DNM2: variants seen among roughly 807,000 people sequenced by gnomAD.
DNM2 encodes the protein dynamin-2.
In DNM2, 15 loss-of-function variants were observed where a neutral mutation model predicts 99.0. That is an observed-to-expected ratio of 0.15 (90% CI 0.10 to 0.23). The LOEUF (loss-of-function observed/expected upper bound fraction) is 0.23. Among genes scored for constraint, DNM2 ranks in the 10% least tolerant of loss-of-function variants. The pLI, the probability that DNM2 is intolerant of heterozygous loss-of-function variation, is 1.00. For synonymous variants in DNM2, 525 were observed against 481.2 expected, an observed-to-expected ratio of 1.09 and a Z score of -1.19; for missense variants, 742 against 1,189.4, an observed-to-expected ratio of 0.62 and a Z score of 5.53.
In DNM2 at chr19:10,812,047, G is replaced by A. The variant is rs939384095; in HGVS notation, c.1558-217G>A. ...ACCCCATCAGCCCCTGGCCCAGTGA[G>A]TCTGTCTGTCCGCCCACCTGCCCAG... is the stretch of plus-strand genomic sequence containing the variant. On this transcript the variant is annotated intron_variant, in intron 14 of 20. Coordinates refer to ENST00000389253, the MANE Select transcript of DNM2 (RefSeq NM_001005361.3). This position sits in a 1 kb window ranked among gnomAD's most constrained non-coding sequence, Gnocchi z 4.0. The A allele has an allele frequency of 2.4e-5, 13 of 535,080 alleles. No homozygotes were observed. The African/African-American group carries it at 2.5e-4, about 10-fold the overall frequency. 33.1% of individuals were successfully genotyped at this position (535,080 alleles called of 1,614,324 possible).
chr19:10,721,510 C>T (rs1385261969), intron 1 of DNM2, among the ~76,000 whole-genome samples: 1 of 152,148 alleles, frequency 6.6e-6, no homozygotes, highest in Admixed American at 6.6e-5. Flanking sequence ...AAAGGCCTCT[C>T]TTTGGGTATG....
At chr19:10,821,239 C>T (rs1017980359) in intron 16 of DNM2, among the ~76,000 whole-genome samples, 1 of 152,176 alleles carries the variant, frequency 6.6e-6, no homozygotes, top group Admixed American at 6.5e-5. Flanking sequence ...TTGCCCCTGG[C>T]CATATGACAC....
chr19:10,760,827 A>ATTTGTTTTTTTTTTTT (rs2070600357), intron 2 of DNM2, among the ~76,000 whole-genome samples: 2 of 41,260 alleles, frequency 4.8e-5, no homozygotes, highest in African/African-American at 9.4e-5. Context: ...CACCCAGCTG[A>ATTTGTTTTTTTTTTTT]TTTTTTTTTT....
chr19:10,757,959 A>AG (rs1021189874), intron 1 of DNM2, among the ~76,000 whole-genome samples: 3 of 151,702 alleles, frequency 2.0e-5, no homozygotes, highest in African/African-American at 7.3e-5. Context: ...AAAAAAAAAA[A>AG]AAAAAAGAAA....
intron 1 of DNM2, among the ~76,000 whole-genome samples, chr19:10,757,372 C>A (rs558653217): frequency 3.3e-5 from 5 of 152,304 alleles, no homozygotes; most frequent in East Asian, 3.9e-4. Flanking sequence ...ACATCTCCCC[C>A]CCGACGCCAG....
intron 17 of DNM2, chr19:10,824,822 A>T (rs1285106533): frequency 1.7e-6 from 1 of 594,276 alleles, no homozygotes; most frequent in Non-Finnish European, 2.9e-6. Flanking sequence ...AAAACAAAAC[A>T]AAAAAACAAC....
At position 10,772,460 on chromosome 19, in the gene DNM2, ATC is replaced by A; in HGVS notation, c.236-13_236-12del. On this transcript the variant is annotated splice_polypyrimidine_tract_variant and intron_variant, in intron 2 of 20. Transcript: ENST00000389253. The surrounding 1 kb of genome is among the most constrained non-coding windows in gnomAD (Gnocchi z 4.9). ...CCCACAGCTCTTTCTCATTTTCAGC[ATC>A]TCTCTTCCCTTTCTAGAACATGCCG... The A allele has an allele frequency of 2.5e-6, 4 of 1,613,758 alleles. No individual in the cohort carries two copies. The highest frequency in any genetic ancestry group is 3.4e-6 in the Non-Finnish European group (4 of 1,179,980).
rs1192342315 is a variant in DNM2, at chr19:10,801,924, AC to A, written c.1423-363del. Among the ~76,000 whole-genome samples the A allele has an allele frequency of 3.1e-4, 46 of 150,510 alleles. 1 individual carries two copies. The highest frequency in any genetic ancestry group is 1.0e-3 in the African/African-American group (42 of 41,224). ...CGTCTCGAAGAAAAAAAAAAAAAAA[AC>A]AAAAAAAACAACTGCACATTATTAA... On this transcript the variant is annotated intron_variant, in intron 11 of 20. Transcript: ENST00000389253.
Position 10,830,334 on chromosome 19 carries a change from T to C in DNM2, c.2499T>C (p.Ser833=). The C allele has an allele frequency of 6.2e-7, 1 of 1,613,120 alleles. No individual in the cohort carries two copies. The highest frequency in any genetic ancestry group is 8.5e-7 in the Non-Finnish European group (1 of 1,179,824). ...DLFPAPPQIP[S]RPVRIPPGIP... ...TCCCAGCCCCGCCTCAGATCCCATCTCGGCCAGTTCGGATCCCCCCAGGGA... is the reference window on the plus strand; with the variant it reads ...TCCCAGCCCCGCCTCAGATCCCATCCCGGCCAGTTCGGATCCCCCCAGGGA... Residue 833 remains serine (S), a synonymous_variant, in exon 20 of 21, where the codon TCT becomes TCC. Coordinates refer to ENST00000389253, the MANE Select transcript of DNM2 (RefSeq NM_001005361.3). This position sits in a 1 kb window ranked among gnomAD's most constrained non-coding sequence, Gnocchi z 4.8.
chr19:10,817,360 GA>G lies in DNM2; in HGVS notation c.1672-2616del. 1 of 469,740 alleles carries G rather than the reference GA, an allele frequency of 2.1e-6. No individual in the cohort carries two copies. The highest frequency in any genetic ancestry group is 4.4e-6 in the Non-Finnish European group (1 of 228,328). The allele number at this position is 469,740 out of a possible 1,614,324, so 29.1% of individuals were successfully genotyped here. A position where few individuals can be genotyped will look rare whatever the true frequency, so the allele number is the denominator to read the frequency against. ...TGCCACAGTGGGAAACGGGGTGGTG[GA>G]AAATGACACTCACCTGCCGGCGAGT... On this transcript the variant is annotated intron_variant, in intron 15 of 20. Transcript: ENST00000389253. This position sits in a 1 kb window ranked among gnomAD's most constrained non-coding sequence, Gnocchi z 4.6.
At chr19:10,776,936 G>A (rs946778498) in intron 4 of DNM2, among the ~76,000 whole-genome samples, 182 bp from the exon 5 acceptor site, 2 of 152,188 alleles carry the variant, frequency 1.3e-5, no homozygotes, top group Non-Finnish European at 2.9e-5. Context: ...TGTGAGATCA[G>A]GGCTGTGACC....
chr19:10,758,278 C>T (rs1257957276), intron 1 of DNM2, among the ~76,000 whole-genome samples: 1 of 147,860 alleles, frequency 6.8e-6, no homozygotes, highest in African/African-American at 2.5e-5. Context: ...TCCTTCCTTC[C>T]CTCCCTCCTT....
chr19:10,734,273 G>A lies in DNM2; in HGVS notation c.161+15870G>A, dbSNP rs186094472. On this transcript the variant is annotated intron_variant, in intron 1 of 20. Transcript: ENST00000389253. ...TAGGAGAATTGCTTGAACCTGAGAG[G>A]CCAAGGTTGCCATGAGCTGAGATCA... Among the ~76,000 whole-genome samples, 3 of 150,170 alleles carry A rather than the reference G, an allele frequency of 2.0e-5. No individual in the cohort carries two copies. In the Admixed American group the frequency reaches 2.0e-4, roughly 10 times the overall value.
At position 10,797,465 on chromosome 19, in the gene DNM2, G is replaced by A. The variant is rs779599530; in HGVS notation, c.1282G>A (p.Val428Ile). 3.7e-6 allele frequency: 6 copies of A among 1,613,998 alleles called. No individual in the cohort carries two copies. The highest frequency in any genetic ancestry group is 1.7e-5 in the Admixed American group (1 of 60,010). The change falls in exon 10 of 21, where the codon GTT (valine) becomes ATT (isoleucine). Residue 428 changes from valine to isoleucine, a missense_variant. By Grantham distance (29) the Val-to-Ile change is conservative. Transcript: ENST00000389253. ...ACTCAAAGAGCCGAGTTTGAAGTGTGTTGATCTCGTGGTCTCAGAGCTGGC... is the reference window on the plus strand; with the variant it reads ...ACTCAAAGAGCCGAGTTTGAAGTGTATTGATCTCGTGGTCTCAGAGCTGGC... ...VKLKEPSLKC[V>I]DLVVSELATV...
Position 10,818,806 on chromosome 19 carries a change from G to A in DNM2, c.1672-1174G>A, listed in dbSNP as rs1358642574. Among the ~76,000 whole-genome samples, 1 of 152,162 alleles carries A rather than the reference G, an allele frequency of 6.6e-6. No individual in the cohort carries two copies. Reference sequence around the variant, plus strand: ...GCACTGTGGGGAGGACTGGGCTTTGGGTCACAGAGACCTGGCCTCTGAAGT... The same window carrying A: ...GCACTGTGGGGAGGACTGGGCTTTGAGTCACAGAGACCTGGCCTCTGAAGT... On this transcript the variant is annotated intron_variant, in intron 15 of 20. Coordinates refer to ENST00000389253, the MANE Select transcript of DNM2 (RefSeq NM_001005361.3). This position sits in a 1 kb window ranked among gnomAD's most constrained non-coding sequence, Gnocchi z 4.3.
chr19:10,806,572 C>A (rs950483758), intron 13 of DNM2, among the ~76,000 whole-genome samples: 11 of 152,230 alleles, frequency 7.2e-5, no homozygotes, highest in African/African-American at 2.4e-4. Context: ...GGGCGGATTG[C>A]CTGAGCTCAG....
intron 1 of DNM2, among the ~76,000 whole-genome samples, chr19:10,739,599 A>G (rs2069664136): frequency 6.6e-6 from 1 of 152,170 alleles, no homozygotes; most frequent in African/African-American, 2.4e-5. Flanking sequence ...GCACGCCTGT[A>G]ATCCCAGCAT....
intron 19 of DNM2, 41 bp downstream of exon 19, chr19:10,829,309 G>T: frequency 1.2e-6 from 2 of 1,601,304 alleles, no homozygotes; most frequent in South Asian, 2.2e-5. Flanking sequence ...CATTCGGCCT[G>T]CAGGTTCCTG....
chr19:10,782,039 T>C (rs1342287627), intron 5 of DNM2, among the ~76,000 whole-genome samples: 1 of 152,164 alleles, frequency 6.6e-6, no homozygotes, highest in African/African-American at 2.4e-5. Flanking sequence ...TGTTATTTCT[T>C]TTTTTTCTTG....
Sources: allele counts gnomAD v4.1 joint callset (sites outside exome capture counted in the v4.1 genomes callset), GRCh38; gene constraint gnomAD v4.1.1; non-coding constraint Gnocchi (gnomAD v3.1); transcripts MANE v1.5; gene names NCBI Gene and HGNC (gene_info 2026-07-23, HGNC 2026-07-21).